FREM2: variants seen among roughly 807,000 people sequenced by gnomAD.
The protein encoded by FREM2 is FRAS1-related extracellular matrix protein 2.
FREM2 carries 119 observed loss-of-function variants against 219.9 expected under a neutral mutation model. That is an observed-to-expected ratio of 0.54 (90% CI 0.47 to 0.63). The LOEUF (loss-of-function observed/expected upper bound fraction) is 0.63. Ranked by LOEUF, FREM2 falls within the 30% of genes least tolerant of loss-of-function variation. FREM2 has a pLI of 0.00. For missense variants in FREM2, 4,030 were observed against 3,993.6 expected (o/e 1.01, Z -0.25); for synonymous variants, 1,562 against 1,522.8 (o/e 1.03, Z -0.60).
Position 38,729,864 on chromosome 13 carries a change from G to A in FREM2, c.5263+32077G>A, listed in dbSNP as rs113821739. On this transcript the variant is annotated intron_variant, in intron 2 of 23. Transcript: ENST00000280481. ...AAATGATAGTCTTATCTGTGGTCTG[G>A]CTGTAAATATAAAGTAGTTTTATGT... 3.4e-3 allele frequency among the ~76,000 whole-genome samples: 516 copies of A among 152,222 alleles called. 2 individuals are homozygous for A. The highest frequency in any genetic ancestry group is 0.011 in the African/African-American group (476 of 41,544).
At chr13:38,788,266 G>T (rs1355646195) in intron 6 of FREM2, among the ~76,000 whole-genome samples, 7 of 152,158 alleles carry the variant, frequency 4.6e-5, no homozygotes, top group Non-Finnish European at 1.0e-4. Flanking sequence ...TAACATAGCA[G>T]ATGGCACAAG....
Position 38,751,665 on chromosome 13 carries a change from T to C in FREM2, c.5264-12639T>C, listed in dbSNP as rs1389495137. Among the ~76,000 whole-genome samples the C allele has an allele frequency of 2.6e-5, 4 of 152,230 alleles. No homozygotes were observed. The East Asian group carries it at 7.7e-4, about 29-fold the overall frequency. On this transcript the variant is annotated intron_variant, in intron 2 of 23. Transcript: ENST00000280481. ...TGTATTATAATGTATGTATAGTATT[T>C]GGTTTACCCTCCTTACTAGAGTCTA... is the stretch of plus-strand genomic sequence containing the variant.
intron 21 of FREM2, among the ~76,000 whole-genome samples, chr13:38,877,578 T>C (rs1334026724): frequency 6.6e-6 from 1 of 152,158 alleles, no homozygotes; most frequent in Admixed American, 6.5e-5. Context: ...CAGGCAAAGA[T>C]TGTGCCTGCC....
At chr13:38,826,042 A>C (rs1188326351) in intron 6 of FREM2, among the ~76,000 whole-genome samples, 2 of 152,152 alleles carry the variant, frequency 1.3e-5, no homozygotes, top group African/African-American at 2.4e-5. Flanking sequence ...AACACAAACC[A>C]TCTTAAAGAC....
At chr13:38,793,539 G>A (rs1874647285) in intron 6 of FREM2, among the ~76,000 whole-genome samples, 1 of 152,172 alleles carries the variant, frequency 6.6e-6, no homozygotes, top group African/African-American at 2.4e-5. Flanking sequence ...GGTGGGCGAG[G>A]AGTCAATCTT....
Position 38,691,698 on chromosome 13 carries a change from C to G in FREM2, c.4354C>G (p.Pro1452Ala). Residue 1452 changes from proline to alanine, a missense_variant, in exon 1 of 24, where the codon CCT becomes GCT. Transcript: ENST00000280481. Reference sequence around the variant, plus strand: ...ACTAAGCACTAGTGACTTGAACAGTCCTGATGAAAACTTGGTTTTTACCAT... The same window carrying G: ...ACTAAGCACTAGTGACTTGAACAGTGCTGATGAAAACTTGGTTTTTACCAT... ...DLLSTSDLNS[P>A]DENLVFTITR... 6.2e-7 allele frequency: 1 copy of G among 1,613,814 alleles called. No individual in the cohort carries two copies.
At chr13:38,789,637 C>T (rs1253005329) in intron 6 of FREM2, among the ~76,000 whole-genome samples, 2 of 151,142 alleles carry the variant, frequency 1.3e-5, no homozygotes, top group African/African-American at 4.8e-5. Flanking sequence ...TTGCCTCAGA[C>T]TTACCTTCCA....
intron 2 of FREM2, among the ~76,000 whole-genome samples, chr13:38,742,417 G>A (rs1872284681): frequency 1.3e-5 from 2 of 152,170 alleles, no homozygotes; most frequent in African/African-American, 2.4e-5. Flanking sequence ...GGCACAGGGG[G>A]CAAATAACAG....
rs771633077 is a variant in FREM2, at chr13:38,850,046, A to T, written c.6388A>T (p.Met2130Leu). 1.2e-6 allele frequency: 2 copies of T among 1,613,480 alleles called. No homozygotes were observed. The highest frequency in any genetic ancestry group is 1.3e-5 in the African/African-American group (1 of 74,902). Residue 2130 changes from methionine to leucine, a missense_variant, in exon 9 of 24, where the codon ATG becomes TTG. Met to Leu is a conservative substitution (Grantham distance 15, BLOSUM62 2). This residue lies in a region of FREM2 where 3,102 missense variants were observed against 2,950.7 expected (regional missense o/e 1.05). Coordinates refer to ENST00000280481, the MANE Select transcript of FREM2 (RefSeq NM_207361.6). ...ATCCTTTGTTTTTGCAGTGCCTAAGATGCAATTCAAAGAACGAATATATAC... is the reference window on the plus strand; with the variant it reads ...ATCCTTTGTTTTTGCAGTGCCTAAGTTGCAATTCAAAGAACGAATATATAC... ...INDSVSDLPKMQFKERIYTGS... is the reference protein window; with the variant it reads ...INDSVSDLPKLQFKERIYTGS...
intron 6 of FREM2, among the ~76,000 whole-genome samples, chr13:38,819,350 C>T (rs1332174690): frequency 1.3e-5 from 2 of 152,146 alleles, no homozygotes; most frequent in African/African-American, 4.8e-5. Flanking sequence ...ATTTCACCAC[C>T]ATTACCAGAA....
At chr13:38,805,635 G>A (rs990567986) in intron 6 of FREM2, among the ~76,000 whole-genome samples, 2 of 151,678 alleles carry the variant, frequency 1.3e-5, no homozygotes, top group African/African-American at 4.8e-5. Flanking sequence ...AAGAGAGGGT[G>A]AAGAAAGTCA....
chr13:38,858,393 T>A (rs1877639901), intron 13 of FREM2, among the ~76,000 whole-genome samples: 1 of 152,124 alleles, frequency 6.6e-6, no homozygotes, highest in African/African-American at 2.4e-5. Flanking sequence ...TGATACAAAT[T>A]AGAAGTCAGA....
In FREM2 at chr13:38,883,691, A is replaced by C. The variant is rs1878628716; in HGVS notation, c.*2904A>C. The C allele has an allele frequency of 6.6e-6, 1 of 152,144 alleles. No homozygotes were observed. Among genetic ancestry groups the C allele is most frequent in the Non-Finnish European group, 1.5e-5 (1 of 68,012 alleles). The allele number at this position is 152,144 out of a possible 1,614,324, so 9.4% of individuals were successfully genotyped here. A position where few individuals can be genotyped will look rare whatever the true frequency, so the allele number is the denominator to read the frequency against. ...CACTTGCTGTCCTTGGGAAGGTTAT[A>C]ACTGAATGCAGCTCTTTATTTGGAC... On this transcript the variant is annotated 3_prime_UTR_variant, in exon 24 of 24. Transcript: ENST00000280481.
chr13:38,872,422 G>T (rs1878190411), intron 16 of FREM2, among the ~76,000 whole-genome samples: 1 of 151,986 alleles, frequency 6.6e-6, no homozygotes, highest in South Asian at 2.1e-4. Context: ...ACTTTAAATA[G>T]GTGAATTACA....
chr13:38,759,708 A>G (rs183032935), intron 2 of FREM2, among the ~76,000 whole-genome samples: 19 of 152,336 alleles, frequency 1.2e-4, no homozygotes, highest in Non-Finnish European at 4.4e-5. Flanking sequence ...GACAGAATCT[A>G]TTTTAGAAAG....
rs762510588 is a variant in FREM2 at position 38,697,744 on chromosome 13, T to C, written c.5220T>C (p.Ala1740=). ...TATGCTATGTCTTAAGAGAAGGGGCTAATGCCACAAGTGATATGTTCTATT... is the reference window on the plus strand; with the variant it reads ...TATGCTATGTCTTAAGAGAAGGGGCCAATGCCACAAGTGATATGTTCTATT... ...MKICYVLREG[A]NATSDMFYFA... Residue 1740 remains alanine (A), a synonymous_variant, in exon 2 of 24, where the codon GCT becomes GCC. Coordinates refer to ENST00000280481, the MANE Select transcript of FREM2 (RefSeq NM_207361.6). 1 of 1,610,770 alleles carries C rather than the reference T, an allele frequency of 6.2e-7. No individual in the cohort carries two copies. The highest frequency in any genetic ancestry group is 1.1e-5 in the South Asian group (1 of 91,018).
intron 6 of FREM2, among the ~76,000 whole-genome samples, chr13:38,793,307 C>A (rs1451777859): frequency 6.6e-6 from 1 of 152,174 alleles, no homozygotes; most frequent in Non-Finnish European, 1.5e-5. Context: ...GAACACCTTT[C>A]CCAAACCAGG....
rs138235570 is a variant in FREM2 at position 38,693,948 on chromosome 13, G to A, written c.5173+1431G>A. 4.0e-3 allele frequency among the ~76,000 whole-genome samples: 608 copies of A among 152,190 alleles called. 2 individuals are homozygous for A. The highest frequency in any genetic ancestry group is 0.014 in the African/African-American group (584 of 41,528). ...TTTCTGAGGCTAGCGATGCCATGCC[G>A]TCTTACACTGGTTTATTTTCATGGA... On this transcript the variant is annotated intron_variant, in intron 1 of 23. Coordinates refer to ENST00000280481, the MANE Select transcript of FREM2 (RefSeq NM_207361.6).
intron 6 of FREM2, among the ~76,000 whole-genome samples, chr13:38,810,228 T>G (rs943833222): frequency 2.8e-5 from 4 of 141,714 alleles, no homozygotes; most frequent in Non-Finnish European, 4.6e-5. Flanking sequence ...AATTTTTAGG[T>G]TTTTTTTCTG....
Sources: gnomAD v4.1 joint callset for allele counts (sites outside exome capture counted in the v4.1 genomes callset) on GRCh38, gnomAD v4.1.1 for gene constraint, gnomAD v4.1.1 regional missense constraint, MANE v1.5 for transcripts, NCBI Gene and HGNC (gene_info 2026-07-23, HGNC 2026-07-21) for gene names.